The following NEU4 variants were observed in gnomAD, a reference collection of about 807,000 sequenced individuals.
NEU4 encodes neuraminidase 4.
NEU4 carries 7 observed loss-of-function variants against 9.9 expected under a neutral mutation model. The ratio of observed to expected loss-of-function variants is 0.71; its 90% CI spans 0.40 to 1.33. The LOEUF is 1.33. Among genes scored for constraint, NEU4 ranks in the 40% most tolerant of loss-of-function variants. The pLI, the probability that NEU4 is intolerant of heterozygous loss-of-function variation, is 0.01. For synonymous variants in NEU4, 348 were observed against 316.9 expected, an observed-to-expected ratio of 1.10 and a Z score of -1.04; for missense variants, 717 against 712.6, an observed-to-expected ratio of 1.01 and a Z score of -0.07.
rs537827217 is a variant in NEU4, at chr2:241,814,673, G to A, written c.189G>A (p.Gly63=). Residue 63 remains glycine (G), a synonymous_variant, in exon 2 of 4, where the codon GGG becomes GGA. Coordinates refer to ENST00000407683, the MANE Select transcript of NEU4 (RefSeq NM_001167600.3). ...TGCTGAGGAGGGGCACGCTGGCCGGGGGCTCCGTGCGGGTGAGTGAGTGGC... is the reference window on the plus strand; with the variant it reads ...TGCTGAGGAGGGGCACGCTGGCCGGAGGCTCCGTGCGGGTGAGTGAGTGGC... ...RLVLRRGTLA[G]GSVRWGALHV... is the part of the protein sequence containing the mutation. The A allele has an allele frequency of 3.9e-6, 6 of 1,555,178 alleles. No homozygotes were observed. In the South Asian group the frequency reaches 5.9e-5, roughly 15 times the overall value.
rs997402372 is a variant in NEU4, at chr2:241,817,130, G to C, written c.*82G>C. ...CGTTGGGGTGCCCCACGATAGCTGT[G>C]GGGGGGGCTCTTAGTGCAGGATCCT... On this transcript the variant is annotated 3_prime_UTR_variant, in exon 4 of 4. Transcript: ENST00000407683. 24 of 1,366,850 alleles carry C rather than the reference G, an allele frequency of 1.8e-5. No individual in the cohort carries two copies. In the Admixed American group the frequency reaches 2.5e-4, roughly 14 times the overall value. The allele number at this position is 1,366,850 out of a possible 1,614,324, so 84.7% of individuals were successfully genotyped here. A position where few individuals can be genotyped will look rare whatever the true frequency, so the allele number is the denominator to read the frequency against.
Position 241,814,940 on chromosome 2 carries a change from T to A in NEU4, c.250T>A (p.Ser84Thr). 1 of 1,612,136 alleles carries A rather than the reference T, an allele frequency of 6.2e-7. No individual in the cohort carries two copies. Among genetic ancestry groups the A allele is most frequent in the Non-Finnish European group, 8.5e-7 (1 of 1,179,800 alleles). ...GACAGCAGCCCTGGCGGAGCACCGG[T>A]CCATGAACCCCTGCCCTGTGCACGA... ...LGTAALAEHR[S>T]MNPCPVHDAG... Residue 84 changes from serine to threonine, a missense_variant, in exon 3 of 4, where the codon TCC becomes ACC. Physicochemically the swap from Ser to Thr is moderately conservative, Grantham distance 58. Coordinates refer to ENST00000407683, the MANE Select transcript of NEU4 (RefSeq NM_001167600.3).
chr2:241,810,778 CGG>C (rs1700088917), intron 1 of NEU4: 1 of 182,502 alleles, frequency 5.5e-6, no homozygotes, highest in African/African-American at 2.5e-5. Context: ...AGGAGTCCTG[CGG>C]GGACAGGCTG....
At chr2:241,815,274 T>C in intron 3 of NEU4, 127 bp downstream of exon 3, 1 of 1,258,308 alleles carries the variant, frequency 7.9e-7, no homozygotes, top group Non-Finnish European at 1.1e-6. Flanking sequence ...CAACCATCCC[T>C]TTCCCCAGGA....
rs1040662869 is a variant in NEU4 at position 241,816,105 on chromosome 2, G to C, written c.512G>C (p.Arg171Pro). Residue 171 changes from arginine to proline, a missense_variant, in exon 4 of 4, where the codon CGC becomes CCC. Physicochemically the swap from Arg to Pro is moderately radical, Grantham distance 103. Coordinates refer to ENST00000407683, the MANE Select transcript of NEU4 (RefSeq NM_001167600.3). ...CACGGTGTGCAGCTGCCCTCAGGCC[G>C]CCTGCTGGTACCCGCCTACACCTAC... is the stretch of plus-strand genomic sequence containing the variant. ...PGHGVQLPSG[R>P]LLVPAYTYRV... is the part of the protein sequence containing the mutation. 10 of 1,610,510 alleles carry C rather than the reference G, an allele frequency of 6.2e-6. No homozygotes were observed. The African/African-American group carries it at 1.3e-4, about 22-fold the overall frequency.
At chr2:241,812,586 CCCCCAAG>C (rs1700165471) in intron 1 of NEU4, among the ~76,000 whole-genome samples, 46 of 34,324 alleles carry the variant, frequency 1.3e-3, no homozygotes, top group African/African-American at 2.9e-3. Flanking sequence ...CACGGCTGGT[CCCCCAAG>C]ACAGAGGGAC....
Position 241,816,988 on chromosome 2 carries a change from C to A in NEU4, c.1395C>A (p.Pro465=). Residue 465 remains proline (P), a synonymous_variant, in exon 4 of 4, where the codon CCC becomes CCA. Coordinates refer to ENST00000407683, the MANE Select transcript of NEU4 (RefSeq NM_001167600.3). ...TGCGTGAGGTCCTGGAGAACGTGCC[C>A]GCCAGCCCCAAACCGCCCAACCTTG... ...FSLREVLENV[P]ASPKPPNLGD... 6.2e-7 allele frequency: 1 copy of A among 1,610,478 alleles called. No individual in the cohort carries two copies. The highest frequency in any genetic ancestry group is 1.3e-5 in the African/African-American group (1 of 75,014).
At position 241,814,682 on chromosome 2, in the gene NEU4, G is replaced by A. The variant is rs768908877; in HGVS notation, c.198G>A (p.Val66=). The change falls in exon 2 of 4, where the codon GTG becomes GTA. Residue 66 remains valine (V), a synonymous_variant. Transcript: ENST00000407683. ...LRRGTLAGGS[V]RWGALHVLGT... is the part of the protein sequence containing the mutation. ...GGGGCACGCTGGCCGGGGGCTCCGT[G>A]CGGGTGAGTGAGTGGCCGGGGGCTC... 1.3e-6 allele frequency: 2 copies of A among 1,548,370 alleles called. No individual in the cohort carries two copies. Among genetic ancestry groups the A allele is most frequent in the Non-Finnish European group, 1.7e-6 (2 of 1,149,416 alleles).
Position 241,809,280 on chromosome 2 carries a change from G to A in NEU4, c.-4+6G>A, listed in dbSNP as rs1166528153. The A allele has an allele frequency of 1.6e-6, 2 of 1,286,822 alleles. No homozygotes were observed. The highest frequency in any genetic ancestry group is 3.0e-5 in the African/African-American group (2 of 65,936). The allele number at this position is 1,286,822 out of a possible 1,614,324, so 79.7% of individuals were successfully genotyped here. On this transcript the variant is annotated splice_donor_region_variant and intron_variant, in intron 1 of 3. Transcript: ENST00000407683. ...GTTGGCGGGAACTGAAACTGGTACG[G>A]TCTTTTTGAATAGAAATTTGGGGTC...
chr2:241,815,027 G>T lies in NEU4; in HGVS notation c.337G>T (p.Val113Leu), dbSNP rs371249745. 1.3e-5 allele frequency: 21 copies of T among 1,601,386 alleles called. No homozygotes were observed. Among genetic ancestry groups the T allele is most frequent in the Middle Eastern group, 3.3e-4 (2 of 6,074 alleles). The change falls in exon 3 of 4, where the codon GTG becomes TTG. Residue 113 changes from valine (V) to leucine (L), a missense_variant. Coordinates refer to ENST00000407683, the MANE Select transcript of NEU4 (RefSeq NM_001167600.3). ...GGTGCTGGGCCACACGCCTGAGGCC[G>T]TGCAGATCGCCACGGGAAGGAACGC... The part of the protein sequence containing the change: ...IAVLGHTPEA[V>L]QIATGRNAAR...
intron 1 of NEU4, among the ~76,000 whole-genome samples, chr2:241,810,153 G>A (rs1220159290): frequency 6.6e-6 from 1 of 152,186 alleles, no homozygotes; most frequent in African/African-American, 2.4e-5. Flanking sequence ...GTGTACGATG[G>A]CCAAGTTGCC....
Position 241,814,401 on chromosome 2 carries a change from C to T in NEU4, c.-3-81C>T, listed in dbSNP as rs1418057404. ...AGGAGCTGTCTGCACCTCCTGAGCG[C>T]ATTCCCCAGTCCAGACCGGGAGCGA... On this transcript the variant is annotated intron_variant, in intron 1 of 3. Coordinates refer to ENST00000407683, the MANE Select transcript of NEU4 (RefSeq NM_001167600.3). 4.0e-5 allele frequency: 54 copies of T among 1,361,626 alleles called. No homozygotes were observed. In the Admixed American group the frequency reaches 8.7e-4, roughly 22 times the overall value. The allele number at this position is 1,361,626 out of a possible 1,614,324, so 84.3% of individuals were successfully genotyped here. A position where few individuals can be genotyped will look rare whatever the true frequency, so the allele number is the denominator to read the frequency against.
At chr2:241,813,201 T>C (rs757965762) in intron 1 of NEU4, 122 of 430,064 alleles carry the variant, frequency 2.8e-4, no homozygotes, top group Non-Finnish European at 3.7e-4. Flanking sequence ...GTTGCGCCTT[T>C]ACCCGGGTCT....
intron 3 of NEU4, 49 bp from the exon 4 acceptor site, chr2:241,816,002 G>T: frequency 6.7e-7 from 1 of 1,489,744 alleles, no homozygotes; most frequent in Non-Finnish European, 8.9e-7. Context: ...CCAGCCCCCC[G>T]ACCTCGGGGA....
intron 1 of NEU4, chr2:241,811,281 C>A: frequency 7.8e-7 from 1 of 1,283,482 alleles, no homozygotes; most frequent in Non-Finnish European, 9.9e-7. Flanking sequence ...CATCTGCACC[C>A]CTGGCCCTGC....
At chr2:241,813,889 C>T (rs917189272) in intron 1 of NEU4, 36 of 306,226 alleles carry the variant, frequency 1.2e-4, no homozygotes, top group African/African-American at 8.0e-4. Flanking sequence ...GATCCCCTGT[C>T]CCCAGAGAGC....
chr2:241,814,425 G>A (rs1229765850), intron 1 of NEU4, 57 bp from the exon 2 acceptor site: 18 of 1,533,444 alleles, frequency 1.2e-5, no homozygotes, highest in African/African-American at 2.7e-5. Flanking sequence ...GACCGGGAGC[G>A]AGTGTGGGGC....
At chr2:241,814,422 A>G in intron 1 of NEU4, 60 bp from the exon 2 acceptor site, 1 of 1,523,794 alleles carries the variant, frequency 6.6e-7, no homozygotes. Flanking sequence ...CCAGACCGGG[A>G]GCGAGTGTGG....
At chr2:241,810,181 T>C (rs1700067637) in intron 1 of NEU4, among the ~76,000 whole-genome samples, 1 of 152,146 alleles carries the variant, frequency 6.6e-6, no homozygotes, top group South Asian at 2.1e-4. Context: ...GGTCCGCCCC[T>C]CCTGGGGCTG....
Sources: gnomAD v4.1 joint callset for allele counts (sites outside exome capture counted in the v4.1 genomes callset) on GRCh38, gnomAD v4.1.1 for gene constraint, MANE v1.5 for transcripts, NCBI Gene and HGNC (gene_info 2026-07-23, HGNC 2026-07-21) for gene names.